The following CSMD1 variants were observed in gnomAD, a reference collection of about 807,000 sequenced individuals.
CSMD1 encodes CUB and Sushi multiple domains 1, also known as CUB and sushi domain-containing protein 1.
A neutral mutation model predicts 417.5 loss-of-function variants in CSMD1; 213 were observed. That is an observed-to-expected ratio of 0.51 (90% CI 0.46 to 0.57). CSMD1 has a LOEUF of 0.57. Ranked by LOEUF, CSMD1 falls within the 20% of genes least tolerant of loss-of-function variation. The probability of loss-of-function intolerance (pLI) is 0.00; values close to 1 mark genes in which losing one functional copy is unlikely to be tolerated. For synonymous variants in CSMD1, 2,862 were observed against 1,736.8 expected (o/e 1.65, Z -16.11); for missense variants, 6,923 against 4,529.7 (o/e 1.53, Z -15.17).
At chr8:3,892,137 G>A (rs542262645) in intron 5 of CSMD1, among the ~76,000 whole-genome samples, 1 of 97,024 alleles carries the variant, frequency 1.0e-5, no homozygotes, top group Non-Finnish European at 2.7e-5. Flanking sequence ...GATAATATCA[G>A]TAAAGTGAAA....
intron 11 of CSMD1, among the ~76,000 whole-genome samples, chr8:3,474,097 G>C (rs1399184769): frequency 1.3e-5 from 2 of 152,058 alleles, no homozygotes; most frequent in Non-Finnish European, 2.9e-5. Flanking sequence ...ATTTGAGTGG[G>C]GACACAGAGC....
intron 2 of CSMD1, among the ~76,000 whole-genome samples, chr8:4,621,199 G>C (rs1210954478): frequency 6.6e-6 from 1 of 151,862 alleles, no homozygotes; most frequent in African/African-American, 2.4e-5. Context: ...GAAATCCTGG[G>C]GATGAGACCC....
intron 3 of CSMD1, among the ~76,000 whole-genome samples, chr8:4,198,263 T>C (rs1299816257): frequency 6.6e-6 from 1 of 152,234 alleles, no homozygotes; most frequent in Non-Finnish European, 1.5e-5. Context: ...AACTCATTAT[T>C]ACAGAAGCAC....
In CSMD1 at chr8:3,865,187, T is replaced by C. The variant is rs1187188750; in HGVS notation, c.819-111145A>G. Among the ~76,000 whole-genome samples, 5 of 152,350 alleles carry C rather than the reference T, an allele frequency of 3.3e-5. No individual in the cohort carries two copies. The East Asian group carries it at 9.6e-4, about 29-fold the overall frequency. ...TCCTTGGGTGTAGAGGCACCTCTGA[T>C]ATTTAACATCTTGGAAAATGACAGA... On this transcript the variant is annotated intron_variant, in intron 5 of 69. Coordinates refer to ENST00000635120, the MANE Select transcript of CSMD1 (RefSeq NM_033225.6).
intron 26 of CSMD1, among the ~76,000 whole-genome samples, chr8:3,270,153 G>A (rs1323687105): frequency 2.0e-5 from 3 of 148,170 alleles, no homozygotes; most frequent in Non-Finnish European, 3.0e-5. Flanking sequence ...GGGTTCAAGC[G>A]ATTCTCCTAC....
chr8:4,081,068 G>C (rs1242480022), intron 3 of CSMD1, among the ~76,000 whole-genome samples: 1 of 152,104 alleles, frequency 6.6e-6, no homozygotes, highest in Non-Finnish European at 1.5e-5. Flanking sequence ...GGGTAATTCA[G>C]TAAGAATGCA....
intron 2 of CSMD1, among the ~76,000 whole-genome samples, chr8:4,431,520 A>G (rs1429555935): frequency 6.6e-6 from 1 of 151,080 alleles, no homozygotes; most frequent in African/African-American, 2.4e-5. Context: ...ACTCAGTTAC[A>G]CTTTATAACA....
At chr8:3,896,982 G>C (rs937138454) in intron 5 of CSMD1, among the ~76,000 whole-genome samples, 1 of 151,684 alleles carries the variant, frequency 6.6e-6, no homozygotes, top group Non-Finnish European at 1.5e-5. Flanking sequence ...ATCCTAGATA[G>C]CAATTCTAGT....
chr8:3,953,735 C>T (rs1395904946), intron 5 of CSMD1, among the ~76,000 whole-genome samples: 2 of 152,082 alleles, frequency 1.3e-5, no homozygotes, highest in African/African-American at 4.8e-5. Flanking sequence ...GCTTCCCCCA[C>T]AGAGCCCCTG....
At chr8:3,643,697 T>G in intron 7 of CSMD1, among the ~76,000 whole-genome samples, 1 of 56,268 alleles carries the variant, frequency 1.8e-5, no homozygotes, top group Non-Finnish European at 3.0e-5. Context: ...TGAGACTCCG[T>G]CTCAAAAAAA....
chr8:3,616,546 A>C (rs1802147372), intron 8 of CSMD1, among the ~76,000 whole-genome samples, 164 bp downstream of exon 8: 1 of 152,174 alleles, frequency 6.6e-6, no homozygotes, highest in South Asian at 2.1e-4. Context: ...TAAACAAAAA[A>C]CAAAATCTCT....
chr8:4,697,026 T>C (rs919506383), intron 1 of CSMD1, among the ~76,000 whole-genome samples: 15 of 151,722 alleles, frequency 9.9e-5, no homozygotes, highest in African/African-American at 3.4e-4. Context: ...ACAAAAATTA[T>C]CTGGGCGTGG....
rs547016307 is a variant in CSMD1 at position 3,586,194 on chromosome 8, G to A, written c.1164C>T (p.Thr388=). 2 of 1,612,664 alleles carry A rather than the reference G, an allele frequency of 1.2e-6. No homozygotes were observed. The highest frequency in any genetic ancestry group is 8.5e-7 in the Non-Finnish European group (1 of 1,179,402). The change falls in exon 9 of 70, where the codon ACC becomes ACT. Residue 388 remains threonine, a synonymous_variant. Coordinates refer to ENST00000635120, the MANE Select transcript of CSMD1 (RefSeq NM_033225.6). ...CGAGCGTCTCTGTAACTCTCTGACA[G>A]GTGATGCTTTTAGATCCCTGGAGCA... ...NYVLQGSKSI[T]CQRVTETLAA...
intron 5 of CSMD1, among the ~76,000 whole-genome samples, chr8:3,912,384 C>G (rs543973630): frequency 2.4e-4 from 36 of 152,300 alleles, no homozygotes; most frequent in African/African-American, 7.9e-4. Context: ...AGGCAATCTT[C>G]TAGCCAATTT....
intron 41 of CSMD1, among the ~76,000 whole-genome samples, chr8:3,122,381 T>C (rs1817260177): frequency 6.7e-6 from 1 of 150,124 alleles, no homozygotes; most frequent in Admixed American, 6.6e-5. Context: ...TCTACAAAGA[T>C]TTACTATAGA....
At chr8:4,935,981 G>T (rs899336856) in intron 1 of CSMD1, among the ~76,000 whole-genome samples, 3 of 152,160 alleles carry the variant, frequency 2.0e-5, no homozygotes, top group Admixed American at 6.6e-5. Flanking sequence ...CTTCATGGAA[G>T]AATCAGCAAA....
chr8:4,927,086 G>GTAT (rs1806918613), intron 1 of CSMD1, among the ~76,000 whole-genome samples: 2 of 100,008 alleles, frequency 2.0e-5, no homozygotes, highest in African/African-American at 7.2e-5. Flanking sequence ...TGCTTTCAAT[G>GTAT]CATTATTATT....
intron 3 of CSMD1, among the ~76,000 whole-genome samples, chr8:4,107,463 A>C (rs1283354004): frequency 6.6e-6 from 1 of 152,246 alleles, no homozygotes; most frequent in Non-Finnish European, 1.5e-5. Flanking sequence ...GCACTGGATA[A>C]TGATTACAAG....
intron 8 of CSMD1, among the ~76,000 whole-genome samples, chr8:3,615,465 C>G (rs886239427): frequency 6.6e-6 from 1 of 152,126 alleles, no homozygotes; most frequent in Non-Finnish European, 1.5e-5. Context: ...TGGATTTCAG[C>G]GAAAACACAA....
Sources: allele counts gnomAD v4.1 joint callset (sites outside exome capture counted in the v4.1 genomes callset), GRCh38; gene constraint gnomAD v4.1.1; transcripts MANE v1.5; gene names NCBI Gene and HGNC (gene_info 2026-07-23, HGNC 2026-07-21).